Variants in SGCE observed in about 807,000 individuals in gnomAD.
SGCE encodes the protein epsilon-sarcoglycan.
Under a neutral mutation model 57.8 loss-of-function variants are expected in SGCE, and 26 were observed. That is an observed-to-expected ratio of 0.45 (90% confidence interval 0.33 to 0.62). SGCE has a LOEUF of 0.62. SGCE is among the 20% of genes least tolerant of loss of function. SGCE has a pLI of 0.02. For synonymous variants in SGCE, 183 were observed against 189.5 expected, an observed-to-expected ratio of 0.97 and a Z score of 0.28; for missense variants, 468 against 548.6, an observed-to-expected ratio of 0.85 and a Z score of 1.47.
At chr7:94,653,875 A>T (rs1808224462) in intron 1 of SGCE, among the ~76,000 whole-genome samples, 1 of 152,036 alleles carries the variant, frequency 6.6e-6, no homozygotes, top group African/African-American at 2.4e-5. Context: ...TTTAATTAAA[A>T]AATTAATATT....
At chr7:94,649,479 T>C (rs1807579295) in intron 1 of SGCE, among the ~76,000 whole-genome samples, 1 of 152,206 alleles carries the variant, frequency 6.6e-6, no homozygotes, top group Admixed American at 6.5e-5. Flanking sequence ...AAGCACTGCA[T>C]TCAAGGAATT....
At chr7:94,591,682 C>T (rs914982363) in intron 9 of SGCE, among the ~76,000 whole-genome samples, 2 of 152,140 alleles carry the variant, frequency 1.3e-5, no homozygotes, top group East Asian at 1.9e-4. Context: ...AGCTTGGAAA[C>T]CACTGATCAA....
chr7:94,619,063 C>G (rs1802368443), intron 4 of SGCE, 107 bp from the exon 5 acceptor site: 1 of 807,008 alleles, frequency 1.2e-6, no homozygotes, highest in African/African-American at 1.7e-5. Context: ...ATCCTGGCAG[C>G]AGGAAGCAAT....
At chr7:94,631,412 T>A (rs182250815) in intron 1 of SGCE, among the ~76,000 whole-genome samples, 2 of 151,930 alleles carry the variant, frequency 1.3e-5, no homozygotes, top group African/African-American at 4.8e-5. Flanking sequence ...CCATCTGGTA[T>A]GGGAGACCAA....
rs538461474 is a variant in SGCE at position 94,625,673 on chromosome 7, T to A, written c.391-2276A>T. 9.9e-5 allele frequency: 15 copies of A among 152,278 alleles called. 1 individual carries two copies. The South Asian group carries it at 1.9e-3, about 19-fold the overall frequency. The allele number at this position is 152,278 out of a possible 1,614,324, so 9.4% of individuals were successfully genotyped here. A position where few individuals can be genotyped will look rare whatever the true frequency, so the allele number is the denominator to read the frequency against. On this transcript the variant is annotated intron_variant, in intron 3 of 10. Transcript: ENST00000648936. ...CAGGTGGTCTTCTAGTACTTTTTTT[T>A]AATTGAACATTGTGTTTAAAACACT...
intron 1 of SGCE, among the ~76,000 whole-genome samples, chr7:94,646,343 G>A (rs545807308): frequency 1.3e-5 from 2 of 152,236 alleles, no homozygotes; most frequent in African/African-American, 2.4e-5. Flanking sequence ...AAGAAGTTTT[G>A]GTTTGACAGA....
intron 8 of SGCE, 76 bp downstream of exon 8, chr7:94,599,621 A>G: frequency 9.2e-7 from 1 of 1,092,540 alleles, no homozygotes; most frequent in East Asian, 2.4e-5. Flanking sequence ...AGCTTGACAC[A>G]CATGTATGGA....
chr7:94,632,697 A>G (rs931361103), intron 1 of SGCE, among the ~76,000 whole-genome samples: 38 of 152,118 alleles, frequency 2.5e-4, no homozygotes, highest in Admixed American at 2.0e-4. Context: ...ACAACATTTT[A>G]GAGGAGTGCC....
At chr7:94,624,125 A>G (rs1351368479) in intron 3 of SGCE, 1 of 396,710 alleles carries the variant, frequency 2.5e-6, no homozygotes, top group African/African-American at 2.1e-5. Flanking sequence ...TAACTTTATA[A>G]CAGATATTAA....
At chr7:94,609,795 G>GCTTGGCAGTTTCTTA (rs1394842697) in intron 5 of SGCE, among the ~76,000 whole-genome samples, 3 of 152,294 alleles carry the variant, frequency 2.0e-5, no homozygotes, top group African/African-American at 7.2e-5. Context: ...TTGGAAGACA[G>GCTTGGCAGTTTCTTA]CTTGGCAGTT....
At chr7:94,617,919 A>G (rs1802175981) in intron 5 of SGCE, 1 of 152,198 alleles carries the variant, frequency 6.6e-6, no homozygotes, top group African/African-American at 2.4e-5. Flanking sequence ...TTCCAGGATT[A>G]TGGGCGAAGA....
intron 10 of SGCE, chr7:94,587,770 A>G (rs1291382613): frequency 2.6e-6 from 4 of 1,546,242 alleles, no homozygotes; most frequent in East Asian, 2.4e-5. Context: ...CAATTTCATT[A>G]TACTTGCCTC....
Position 94,598,888 on chromosome 7 carries a change from T to C in SGCE, c.1140A>G (p.Ile380Met). 1 of 1,613,630 alleles carries C rather than the reference T, an allele frequency of 6.2e-7. No individual in the cohort carries two copies. The highest frequency in any genetic ancestry group is 8.5e-7 in the Non-Finnish European group (1 of 1,179,556). The change falls in exon 9 of 11, where the codon ATA becomes ATG. Residue 380 changes from isoleucine to methionine, a missense_variant. Ile to Met is a conservative substitution (Grantham distance 10). Coordinates refer to ENST00000648936, the MANE Select transcript of SGCE (RefSeq NM_003919.3). ...ELRDMSKNRE[I>M]AWPLSTLPVF... is the part of the protein sequence containing the mutation. ...CAGGAAGCGTTGACAGGGGCCATGC[T>C]ATCTCTCTATTCTTGGACATGTCTC...
intron 1 of SGCE, among the ~76,000 whole-genome samples, chr7:94,648,479 T>C (rs1360867645): frequency 1.3e-5 from 2 of 151,934 alleles, no homozygotes; most frequent in African/African-American, 4.8e-5. Context: ...AAAATCCTTA[T>C]CTGTATCTTT....
At position 94,600,717 on chromosome 7, in the gene SGCE, A is replaced by T. The variant is rs769888226; in HGVS notation, c.966T>A (p.Ala322=). The stretch of plus-strand genomic sequence containing the variant: ...GGACCAGTGCCACTGCCGAGGGCAC[A>T]GCCAGTGTAATTAGGAAATCCGTGT... ...DYYTDFLITL[A]VPSAVALVLF... Residue 322 remains alanine, a synonymous_variant, in exon 7 of 11, where the codon GCT becomes GCA. Coordinates refer to ENST00000648936, the MANE Select transcript of SGCE (RefSeq NM_003919.3). The T allele has an allele frequency of 1.9e-6, 3 of 1,613,770 alleles. No individual in the cohort carries two copies. In the African/African-American group the frequency reaches 4.0e-5, roughly 22 times the overall value.
At position 94,599,722 on chromosome 7, in the gene SGCE, C is replaced by G. The variant is rs756703589; in HGVS notation, c.1039G>C (p.Glu347Gln). 1 of 1,602,152 alleles carries G rather than the reference C, an allele frequency of 6.2e-7. No homozygotes were observed. Among genetic ancestry groups the G allele is most frequent in the Non-Finnish European group, 8.5e-7 (1 of 1,169,652 alleles). Residue 347 changes from glutamate (E) to glutamine (Q), a missense_variant and splice_region_variant, in exon 8 of 11, where the codon GAA (glutamate) becomes CAA (glutamine). By Grantham distance (29) the Glu-to-Gln change is conservative (BLOSUM62 2). Coordinates refer to ENST00000648936, the MANE Select transcript of SGCE (RefSeq NM_003919.3). ...TCTGGTGTTTGCATGTTTCTCTTTT[C>G]CCTAGAAACAAAACAAAATTTATGA... Reference protein sequence around the residue: ...YIMCCRREGVEKRNMQTPDIQ... With the variant: ...YIMCCRREGVQKRNMQTPDIQ...
Position 94,587,912 on chromosome 7 carries a change from A to G in SGCE, c.1297+777T>C, listed in dbSNP as rs909595958. On this transcript the variant is annotated intron_variant, in intron 10 of 10. Transcript: ENST00000648936. The stretch of plus-strand genomic sequence containing the variant: ...GAAGTTTTTAAGAGACTTACTTAAT[A>G]GTTTCCCTACCACAATGCCGCTATT... 4.8e-6 allele frequency: 7 copies of G among 1,471,298 alleles called. No individual in the cohort carries two copies. The African/African-American group carries it at 1.0e-4, about 22-fold the overall frequency. 91.1% of individuals were successfully genotyped at this position (1,471,298 alleles called of 1,614,324 possible).
At chr7:94,590,768 C>T (rs1797566938) in intron 9 of SGCE, 1 of 152,188 alleles carries the variant, frequency 6.6e-6, no homozygotes, top group South Asian at 2.1e-4. Context: ...CTTTGTCCCT[C>T]ATGCTGGCCC....
chr7:94,617,492 C>T (rs375928036), intron 5 of SGCE: 30 of 152,292 alleles, frequency 2.0e-4, no homozygotes, highest in African/African-American at 6.0e-4. Flanking sequence ...TTGGAGAATG[C>T]CTTCAGGGAA....
Sources: gnomAD v4.1 joint callset for allele counts (sites outside exome capture counted in the v4.1 genomes callset) on GRCh38, gnomAD v4.1.1 for gene constraint, MANE v1.5 for transcripts, NCBI Gene and HGNC (gene_info 2026-07-23, HGNC 2026-07-21) for gene names.